The following BAZ1B variants were observed in gnomAD, a reference collection of about 807,000 sequenced individuals.
The protein encoded by BAZ1B is tyrosine-protein kinase BAZ1B.
Under a neutral mutation model 153.8 loss-of-function variants are expected in BAZ1B, and 22 were observed. The observed-to-expected ratio is 0.14, with a 90% CI of 0.10 to 0.20. BAZ1B has a LOEUF of 0.20. Among genes scored for constraint, BAZ1B ranks in the 10% least tolerant of loss-of-function variants. The probability of loss-of-function intolerance (pLI) is 1.00; values close to 1 mark genes in which losing one functional copy is unlikely to be tolerated. For missense variants in BAZ1B, 1,325 were observed against 1,799.3 expected, an observed-to-expected ratio of 0.74 and a Z score of 4.77; for synonymous variants, 676 against 633.4, an observed-to-expected ratio of 1.07 and a Z score of -1.01.
rs112979847 is a variant in BAZ1B, at chr7:73,472,955, T to TA, written c.2594-2473dup. ...CACCCAGCTGATCTTTTTTTTTTTT[T>TA]AAAAAAGACAAGAGTCTCGCTCTGT... is the stretch of plus-strand genomic sequence containing the variant. On this transcript the variant is annotated intron_variant, in intron 7 of 19. Coordinates refer to ENST00000339594, the MANE Select transcript of BAZ1B (RefSeq NM_032408.4). Among the ~76,000 whole-genome samples, 369 of 149,982 alleles carry TA rather than the reference T, an allele frequency of 2.5e-3. 1 individual carries two copies. The highest frequency in any genetic ancestry group is 6.5e-3 in the African/African-American group (265 of 40,568).
intron 1 of BAZ1B, among the ~76,000 whole-genome samples, chr7:73,512,677 C>T (rs1790636577): frequency 6.6e-6 from 1 of 152,186 alleles, no homozygotes; most frequent in African/African-American, 2.4e-5. Flanking sequence ...CTTTTAAGCA[C>T]AGCAACAGAT....
intron 16 of BAZ1B, 67 bp downstream of exon 16, chr7:73,447,197 A>G: frequency 6.2e-7 from 1 of 1,611,756 alleles, no homozygotes; most frequent in East Asian, 2.2e-5. Context: ...CTGCCAAGCC[A>G]GCCTTTCCAA....
intron 7 of BAZ1B, among the ~76,000 whole-genome samples, chr7:73,474,654 A>G (rs1788933612): frequency 6.6e-6 from 1 of 152,158 alleles, no homozygotes. Context: ...ACACGCCTGT[A>G]ATCCCAGCTA....
At position 73,470,479 on chromosome 7, in the gene BAZ1B, T is replaced by C. The variant is rs782425365; in HGVS notation, c.2598A>G (p.Lys866=). ...GTTCTTCTTCAGCTTGGCGTTCCAG[T>C]TTCACTGTTAAAAATAAAAAGACTC... The part of the protein sequence containing the change: ...REIQEREMKV[K]LERQAEEERI... The change falls in exon 8 of 20, where the codon AAA becomes AAG. Residue 866 remains lysine (K), a synonymous_variant. Transcript: ENST00000339594. The C allele has an allele frequency of 6.2e-7, 1 of 1,611,276 alleles. No homozygotes were observed. The highest frequency in any genetic ancestry group is 1.7e-5 in the Admixed American group (1 of 58,768).
intron 2 of BAZ1B, among the ~76,000 whole-genome samples, 164 bp from the exon 3 acceptor site, chr7:73,508,635 T>A (rs1790444116): frequency 6.6e-6 from 1 of 152,140 alleles, no homozygotes; most frequent in Non-Finnish European, 1.5e-5. Context: ...CTCACTAGCC[T>A]CCACCTCCTG....
At chr7:73,470,194 A>T in intron 8 of BAZ1B, 151 bp downstream of exon 8, 1 of 897,806 alleles carries the variant, frequency 1.1e-6, no homozygotes, top group Non-Finnish European at 1.6e-6. Flanking sequence ...TTTGGCAGTT[A>T]ATATTCAATA....
At chr7:73,489,048 C>A in intron 6 of BAZ1B, 146 bp downstream of exon 6, 1 of 733,340 alleles carries the variant, frequency 1.4e-6, no homozygotes. Flanking sequence ...CACATAACAA[C>A]CTGTATGTAA....
At chr7:73,472,187 A>G (rs1239353181) in intron 7 of BAZ1B, among the ~76,000 whole-genome samples, 1 of 152,206 alleles carries the variant, frequency 6.6e-6, no homozygotes, top group Non-Finnish European at 1.5e-5. Flanking sequence ...AGAAATTATT[A>G]CGTTTCAGAT....
intron 5 of BAZ1B, among the ~76,000 whole-genome samples, chr7:73,491,226 T>C (rs1358660944): frequency 6.6e-6 from 1 of 151,434 alleles, no homozygotes; most frequent in Non-Finnish European, 1.5e-5. Context: ...GCAGAGGCTG[T>C]AGTGAGCCAA....
At chr7:73,510,904 C>A (rs1031333589) in intron 1 of BAZ1B, 52 bp from the exon 2 acceptor site, 2 of 1,434,820 alleles carry the variant, frequency 1.4e-6, no homozygotes, top group Admixed American at 3.4e-5. Context: ...GACGACAAAC[C>A]CATACCCATA....
intron 4 of BAZ1B, among the ~76,000 whole-genome samples, 189 bp from the exon 5 acceptor site, chr7:73,493,110 A>G (rs1789718416): frequency 6.6e-6 from 1 of 152,188 alleles, no homozygotes; most frequent in Non-Finnish European, 1.5e-5. Flanking sequence ...AAATAACTAC[A>G]ATGTACTATA....
Position 73,521,835 on chromosome 7 carries a change from G to A in BAZ1B, c.99C>T (p.Arg33=). 6.7e-7 allele frequency: 1 copy of A among 1,499,772 alleles called. No individual in the cohort carries two copies. Among genetic ancestry groups the A allele is most frequent in the South Asian group, 1.2e-5 (1 of 81,220 alleles). The allele number at this position is 1,499,772 out of a possible 1,614,324, so 92.9% of individuals were successfully genotyped here. A position where few individuals can be genotyped will look rare whatever the true frequency, so the allele number is the denominator to read the frequency against. Residue 33 remains arginine (R), a synonymous_variant, in exon 1 of 20, where the codon CGC becomes CGT. Transcript: ENST00000339594. ...FTIPHTQEAF[R]TREEYEARLE... is the part of the protein sequence containing the mutation. ...CGGCTGGAAAAGGATACTCCCGGGT[G>A]CGGAAGGCCTCCTGAGTGTGCGGGA...
Position 73,477,082 on chromosome 7 carries a change from T to G in BAZ1B, c.2379A>C (p.Ala793=). ...VLKEENDKKR[A]EKQKRKEMEA... is the part of the protein sequence containing the mutation. ...CCATTTCTTTCCGTTTCTGTTTCTC[T>G]GCTCTCTTCTTATCATTTTCTTCCT... The change falls in exon 7 of 20, where the codon GCA becomes GCC. Residue 793 remains alanine, a synonymous_variant. Coordinates refer to ENST00000339594, the MANE Select transcript of BAZ1B (RefSeq NM_032408.4). The surrounding 1 kb of genome is among the most constrained non-coding windows in gnomAD (Gnocchi z 5.6). 1.9e-6 allele frequency: 3 copies of G among 1,614,256 alleles called. No individual in the cohort carries two copies. Among genetic ancestry groups the G allele is most frequent in the Non-Finnish European group, 2.5e-6 (3 of 1,180,044 alleles).
Position 73,470,512 on chromosome 7 carries a change from A to G in BAZ1B, c.2594-29T>C, listed in dbSNP as rs782795097. ...TTAAAAATAAAAAGACTCAAATCAG[A>G]TATTTTCCTAGTAAATCCCACTCTT... On this transcript the variant is annotated intron_variant, in intron 7 of 19. Coordinates refer to ENST00000339594, the MANE Select transcript of BAZ1B (RefSeq NM_032408.4). 2.2e-5 allele frequency: 36 copies of G among 1,607,756 alleles called. 1 individual carries two copies. The highest frequency in any genetic ancestry group is 1.6e-4 in the East Asian group (7 of 44,822).
chr7:73,445,467 C>A (rs1296955188), intron 16 of BAZ1B, among the ~76,000 whole-genome samples: 1 of 151,942 alleles, frequency 6.6e-6, no homozygotes, highest in African/African-American at 2.4e-5. Flanking sequence ...AAGTCGAGGC[C>A]GTAAAAACTT....
intron 9 of BAZ1B, among the ~76,000 whole-genome samples, chr7:73,467,237 C>T (rs1224486922): frequency 6.6e-6 from 1 of 151,976 alleles, no homozygotes; most frequent in Non-Finnish European, 1.5e-5. Flanking sequence ...CGGCCAGTCA[C>T]CACAATATTT....
rs782665302 is a variant in BAZ1B, at chr7:73,442,831, G to C, written c.3991-3C>G. On this transcript the variant is annotated splice_polypyrimidine_tract_variant and splice_region_variant and intron_variant, in intron 17 of 19. Transcript: ENST00000339594. ...GAGCTCCGCTTGGTCTGAAGCACCT[G>C]GCAGGAAAGAAAGAACAATGTTATT... 6.2e-7 allele frequency: 1 copy of C among 1,610,142 alleles called. No homozygotes were observed. The highest frequency in any genetic ancestry group is 1.1e-5 in the South Asian group (1 of 90,936).
At chr7:73,452,489 C>T (rs1168259413) in intron 13 of BAZ1B, among the ~76,000 whole-genome samples, 1 of 151,972 alleles carries the variant, frequency 6.6e-6, no homozygotes, top group East Asian at 1.9e-4. Flanking sequence ...TTTGGGAGGC[C>T]GAGGCGGGCG....
chr7:73,491,541 G>C (rs1789643174), intron 5 of BAZ1B, among the ~76,000 whole-genome samples: 1 of 152,086 alleles, frequency 6.6e-6, no homozygotes, highest in Non-Finnish European at 1.5e-5. Flanking sequence ...AGAGGATGCA[G>C]TGAGCCGAGA....
Sources: gnomAD v4.1 joint callset for allele counts (sites outside exome capture counted in the v4.1 genomes callset) on GRCh38, gnomAD v4.1.1 for gene constraint, Gnocchi (gnomAD v3.1) non-coding constraint, MANE v1.5 for transcripts, NCBI Gene and HGNC (gene_info 2026-07-23, HGNC 2026-07-21) for gene names.